The following ENAH variants were observed in gnomAD, a reference collection of about 807,000 sequenced individuals.
ENAH encodes protein enabled homolog.
ENAH carries 23 observed loss-of-function variants against 78.7 expected under a neutral mutation model. That is an observed-to-expected ratio of 0.29 (90% CI 0.21 to 0.41). The LOEUF is 0.41. ENAH is among the 10% of genes least tolerant of loss of function. The probability of loss-of-function intolerance (pLI) is 1.00; values close to 1 mark genes in which losing one functional copy is unlikely to be tolerated. For synonymous variants in ENAH, 226 were observed against 241.0 expected (o/e 0.94, Z 0.58); for missense variants, 544 against 691.0 (o/e 0.79, Z 2.39).
chr1:225,608,644 C>G (rs368757470), intron 1 of ENAH, among the ~76,000 whole-genome samples: 1 of 151,352 alleles, frequency 6.6e-6, no homozygotes, highest in Non-Finnish European at 1.5e-5. Flanking sequence ...GGCGAAACCC[C>G]GTCTCTACTA....
intron 1 of ENAH, among the ~76,000 whole-genome samples, chr1:225,590,222 G>A (rs1385994029): frequency 2.6e-5 from 4 of 151,964 alleles, no homozygotes; most frequent in East Asian, 1.9e-4. Context: ...GGTGGCTCAC[G>A]CCTATAATCC....
At chr1:225,561,429 C>G (rs2096704998) in intron 2 of ENAH, among the ~76,000 whole-genome samples, 1 of 151,440 alleles carries the variant, frequency 6.6e-6, no homozygotes. Flanking sequence ...CGAAACCAAC[C>G]TGGCCAACAT....
chr1:225,501,262 T>C (rs2096280751), intron 11 of ENAH, 192 bp from the exon 12 acceptor site: 1 of 482,674 alleles, frequency 2.1e-6, no homozygotes, highest in African/African-American at 2.0e-5. Context: ...TTTCTCAGTA[T>C]TTCTTATTTA....
In ENAH at chr1:225,590,333, G is replaced by A. The variant is rs7528602; in HGVS notation, c.6-22919C>T. On this transcript the variant is annotated intron_variant, in intron 1 of 13. Coordinates refer to ENST00000366843, the MANE Select transcript of ENAH (RefSeq NM_018212.6). ...CAACTAAAAAATACAAAAATTACCC[G>A]GGCATGATGGCGCACACCTACTCAG... Among the ~76,000 whole-genome samples the A allele has an allele frequency of 1.7e-3, 262 of 151,948 alleles. 1 individual carries two copies. The highest frequency in any genetic ancestry group is 5.9e-3 in the African/African-American group (245 of 41,454).
At chr1:225,602,183 T>C (rs1007395116) in intron 1 of ENAH, among the ~76,000 whole-genome samples, 5 of 151,900 alleles carry the variant, frequency 3.3e-5, no homozygotes, top group African/African-American at 1.2e-4. Context: ...AGAAAACAGG[T>C]TGAAAAACAG....
At chr1:225,597,325 A>G (rs1192569567) in intron 1 of ENAH, among the ~76,000 whole-genome samples, 1 of 152,164 alleles carries the variant, frequency 6.6e-6, no homozygotes, top group Admixed American at 6.5e-5. Flanking sequence ...TTATTCATCA[A>G]AAATGTCTAT....
intron 1 of ENAH, among the ~76,000 whole-genome samples, chr1:225,635,855 A>G (rs1245326851): frequency 6.6e-6 from 1 of 152,230 alleles, no homozygotes; most frequent in African/African-American, 2.4e-5. Flanking sequence ...CAGGAATGCC[A>G]AAGACTGCCA....
chr1:225,518,947 T>G, intron 5 of ENAH: 1 of 555,970 alleles, frequency 1.8e-6, no homozygotes, highest in Non-Finnish European at 3.0e-6. Flanking sequence ...TTTTATAGGG[T>G]GTTAGAAGAA....
At chr1:225,542,830 A>G (rs2096596078) in intron 3 of ENAH, among the ~76,000 whole-genome samples, 1 of 152,074 alleles carries the variant, frequency 6.6e-6, no homozygotes, top group Non-Finnish European at 1.5e-5. Flanking sequence ...AGCCTGAGCA[A>G]TGTAGTAGCA....
chr1:225,609,939 C>A (rs1473483454), intron 1 of ENAH, among the ~76,000 whole-genome samples: 1 of 152,040 alleles, frequency 6.6e-6, no homozygotes, highest in Non-Finnish European at 1.5e-5. Context: ...GCTGGGATTA[C>A]AGGCATGAGC....
chr1:225,609,889 C>G (rs963054478), intron 1 of ENAH, among the ~76,000 whole-genome samples: 1 of 151,848 alleles, frequency 6.6e-6, no homozygotes, highest in Non-Finnish European at 1.5e-5. Context: ...GGTCTGAACT[C>G]CTGGCCTCAA....
At chr1:225,640,366 T>C (rs1660816018) in intron 1 of ENAH, among the ~76,000 whole-genome samples, 3 of 152,226 alleles carry the variant, frequency 2.0e-5, no homozygotes, top group Non-Finnish European at 2.9e-5. Flanking sequence ...CCCAACTATG[T>C]ACTATTATCT....
At chr1:225,650,352 A>C (rs1462115542) in intron 1 of ENAH, among the ~76,000 whole-genome samples, 1 of 152,232 alleles carries the variant, frequency 6.6e-6, no homozygotes, top group Admixed American at 6.5e-5. Flanking sequence ...TCTACACTTC[A>C]TAAGGAACAG....
chr1:225,513,416 G>A (rs906972426), intron 7 of ENAH, among the ~76,000 whole-genome samples: 2 of 152,110 alleles, frequency 1.3e-5, no homozygotes, highest in Admixed American at 6.6e-5. Context: ...ATGAAAGATT[G>A]AGGAACTGTC....
At chr1:225,593,648 T>C (rs1408818270) in intron 1 of ENAH, among the ~76,000 whole-genome samples, 1 of 152,132 alleles carries the variant, frequency 6.6e-6, no homozygotes, top group Non-Finnish European at 1.5e-5. Context: ...TTTGGCAATG[T>C]GTTCAGAAAG....
At chr1:225,503,251 G>A (rs1021419898) in intron 11 of ENAH, among the ~76,000 whole-genome samples, 1 of 152,100 alleles carries the variant, frequency 6.6e-6, no homozygotes, top group Non-Finnish European at 1.5e-5. Context: ...GGGGTACTAT[G>A]TGTGAAAGCA....
intron 1 of ENAH, among the ~76,000 whole-genome samples, chr1:225,581,677 A>G (rs1000015503): frequency 2.8e-4 from 43 of 152,042 alleles, no homozygotes; most frequent in African/African-American, 9.4e-4. Context: ...ATAAAACTAT[A>G]AACTCTGGAT....
At chr1:225,619,103 A>G (rs1656338294) in intron 1 of ENAH, among the ~76,000 whole-genome samples, 1 of 152,222 alleles carries the variant, frequency 6.6e-6, no homozygotes, top group Admixed American at 6.5e-5. Context: ...ACACACACAC[A>G]CACACACAAA....
intron 1 of ENAH, among the ~76,000 whole-genome samples, chr1:225,595,954 A>AT (rs1296189463): frequency 1.3e-5 from 2 of 152,088 alleles, no homozygotes; most frequent in African/African-American, 4.8e-5. Context: ...GAACTTAAGC[A>AT]TTTTTTCTCA....
Sources: gnomAD v4.1 joint callset for allele counts (sites outside exome capture counted in the v4.1 genomes callset) on GRCh38, gnomAD v4.1.1 for gene constraint, MANE v1.5 for transcripts, NCBI Gene and HGNC (gene_info 2026-07-23, HGNC 2026-07-21) for gene names.